The following GRM4 variants were observed in gnomAD, a reference collection of about 807,000 sequenced individuals.
GRM4 encodes metabotropic glutamate receptor 4.
GRM4 carries 28 observed loss-of-function variants against 81.7 expected under a neutral mutation model. The observed-to-expected ratio is 0.34, with a 90% CI of 0.25 to 0.47. GRM4 has a LOEUF of 0.47. Ranked by LOEUF, GRM4 falls within the 20% of genes least tolerant of loss-of-function variation. The pLI is 1.00. For missense variants in GRM4, 948 were observed against 1,290.0 expected (o/e 0.73, Z 4.06); for synonymous variants, 488 against 528.8 (o/e 0.92, Z 1.06).
At chr6:34,038,969 C>T (rs35411382) in intron 8 of GRM4, among the ~76,000 whole-genome samples, 54,261 of 152,174 alleles carry the variant, frequency 0.36, 13,419 homozygotes, top group African/African-American at 0.7. Flanking sequence ...ACAGCAGGTA[C>T]TCAGTAAGTG....
rs914750895 is a variant in GRM4 at position 34,130,761 on chromosome 6, C to A, written c.519+2217G>T. Among the ~76,000 whole-genome samples, 1 of 152,262 alleles carries A rather than the reference C, an allele frequency of 6.6e-6. No homozygotes were observed. The highest frequency in any genetic ancestry group is 2.4e-5 in the African/African-American group (1 of 41,464). On this transcript the variant is annotated intron_variant, in intron 2 of 10. Coordinates refer to ENST00000538487, the MANE Select transcript of GRM4 (RefSeq NM_000841.4). This position sits in a 1 kb window ranked among gnomAD's most constrained non-coding sequence, Gnocchi z 4.1. ...CTCCCTGTAAAGTAGGCACTCACTC[C>A]GCTCTGGAAAACAGGGGAAGGGATC...
chr6:34,044,251 G>GACAT (rs771371096), intron 6 of GRM4, among the ~76,000 whole-genome samples: 1 of 123,444 alleles, frequency 8.1e-6, no homozygotes, highest in African/African-American at 3.4e-5. Flanking sequence ...CACACACAGA[G>GACAT]ACATACATAC....
intron 8 of GRM4, among the ~76,000 whole-genome samples, chr6:34,039,731 A>C (rs1451909466): frequency 2.0e-5 from 3 of 152,084 alleles, no homozygotes; most frequent in Non-Finnish European, 4.4e-5. Context: ...CACAAATCCC[A>C]CCGTTCAACC....
intron 3 of GRM4, among the ~76,000 whole-genome samples, chr6:34,076,599 G>A (rs6928460): frequency 1.3e-5 from 2 of 152,208 alleles, no homozygotes; most frequent in Non-Finnish European, 2.9e-5. Context: ...GCTGGCCTTG[G>A]TGGAGGGGGT....
At chr6:34,054,038 G>C (rs1278089395) in intron 6 of GRM4, 1 of 152,110 alleles carries the variant, frequency 6.6e-6, no homozygotes, top group African/African-American at 2.4e-5. Flanking sequence ...CTCCATTAAC[G>C]CTTCACTTCC....
In GRM4 at chr6:34,022,548, C is replaced by T. The variant is rs1451117101; in HGVS notation, c.*273G>A. The stretch of plus-strand genomic sequence containing the variant: ...GCACTGGGGCCCACACGACCTGAGC[C>T]CCTGTGGTTTGGGGCCGGGAGGGGC... On this transcript the variant is annotated 3_prime_UTR_variant, in exon 11 of 11. Transcript: ENST00000538487. This position sits in a 1 kb window ranked among gnomAD's most constrained non-coding sequence, Gnocchi z 5.6. 1.9e-6 allele frequency: 1 copy of T among 529,926 alleles called. No homozygotes were observed. The highest frequency in any genetic ancestry group is 3.4e-6 in the Non-Finnish European group (1 of 293,302). 32.8% of individuals were successfully genotyped at this position (529,926 alleles called of 1,614,324 possible). A position where few individuals can be genotyped will look rare whatever the true frequency, so the allele number is the denominator to read the frequency against.
Position 34,070,804 on chromosome 6 carries a change from A to C in GRM4, c.737-8776T>G, listed in dbSNP as rs1581649314. On this transcript the variant is annotated intron_variant, in intron 3 of 10. Coordinates refer to ENST00000538487, the MANE Select transcript of GRM4 (RefSeq NM_000841.4). This position sits in a 1 kb window ranked among gnomAD's most constrained non-coding sequence, Gnocchi z 4.6. Reference sequence around the variant, plus strand: ...GCCACACCCCCAGCCACACACACACACACACACACACACACGGCAATGCAC... The same window carrying C: ...GCCACACCCCCAGCCACACACACACCCACACACACACACACGGCAATGCAC... Among the ~76,000 whole-genome samples the C allele has an allele frequency of 8.0e-6, 1 of 125,494 alleles. No homozygotes were observed. Among genetic ancestry groups the C allele is most frequent in the African/African-American group, 4.3e-5 (1 of 23,220 alleles). The allele number at this position is 125,494 out of a possible 152,430, so 82.3% of individuals were successfully genotyped here. A position where few individuals can be genotyped will look rare whatever the true frequency, so the allele number is the denominator to read the frequency against.
chr6:34,053,944 C>A (rs935530093), intron 6 of GRM4, among the ~76,000 whole-genome samples: 1 of 152,176 alleles, frequency 6.6e-6, no homozygotes, highest in Non-Finnish European at 1.5e-5. Context: ...CTGGGGGTGG[C>A]GCCCTGGTAT....
At chr6:34,033,020 G>A (rs897443292) in intron 9 of GRM4, among the ~76,000 whole-genome samples, 6 of 152,164 alleles carry the variant, frequency 3.9e-5, no homozygotes, top group African/African-American at 1.4e-4. Context: ...GGTATGGGAT[G>A]GCCTCCCTGC....
intron 6 of GRM4, among the ~76,000 whole-genome samples, chr6:34,046,307 C>T (rs557908822): frequency 6.6e-6 from 1 of 152,290 alleles, no homozygotes; most frequent in African/African-American, 2.4e-5. Flanking sequence ...CACAGATGTA[C>T]ATATAAATGC....
chr6:34,033,729 CTTTA>C lies in GRM4; in HGVS notation c.2442+1935_2442+1938del, dbSNP rs1390203657. 7.6e-5 allele frequency among the ~76,000 whole-genome samples: 11 copies of C among 144,756 alleles called. 1 individual carries two copies. Among genetic ancestry groups the C allele is most frequent in the South Asian group, 6.4e-4 (3 of 4,654 alleles). 95.0% of individuals were successfully genotyped at this position (144,756 alleles called of 152,430 possible). On this transcript the variant is annotated intron_variant, in intron 9 of 10. Transcript: ENST00000538487. The stretch of plus-strand genomic sequence containing the variant: ...TTTCTTTCTCTCTCCCTCTCTCTCT[CTTTA>C]TTTCTTTTCTTTTCTTTTTCATGAG...
In GRM4 at chr6:34,035,790, T is replaced by G; in HGVS notation, c.2320A>C (p.Thr774Pro). 5.0e-6 allele frequency: 8 copies of G among 1,613,628 alleles called. No homozygotes were observed. The highest frequency in any genetic ancestry group is 6.8e-6 in the Non-Finnish European group (8 of 1,179,634). Reference protein sequence around the residue: ...MVTCTVYAIKTRGVPETFNEA... With the variant: ...MVTCTVYAIKPRGVPETFNEA... Reference sequence around the variant, plus strand: ...TTGAAGGTCTCGGGCACGCCGCGTGTCTTGATGGCATACACGGTGCACGTG... The same window carrying G: ...TTGAAGGTCTCGGGCACGCCGCGTGGCTTGATGGCATACACGGTGCACGTG... Residue 774 changes from threonine to proline, a missense_variant, in exon 9 of 11, where the codon ACA (threonine) becomes CCA (proline). Thr to Pro is a conservative substitution (Grantham distance 38, BLOSUM62 -1). Transcript: ENST00000538487. This position sits in a 1 kb window ranked among gnomAD's most constrained non-coding sequence, Gnocchi z 6.6.
intron 2 of GRM4, among the ~76,000 whole-genome samples, chr6:34,122,782 A>G (rs1289808278): frequency 6.7e-6 from 1 of 149,734 alleles, no homozygotes; most frequent in East Asian, 1.9e-4. Context: ...CACTGGAAGT[A>G]GGGGGGGAAG....
intron 9 of GRM4, among the ~76,000 whole-genome samples, chr6:34,029,020 C>G (rs1448227921): frequency 1.3e-5 from 2 of 152,344 alleles, no homozygotes; most frequent in African/African-American, 4.8e-5. Context: ...AAAATGAAAG[C>G]CCATTAATCT....
In GRM4 at chr6:34,042,161, G is replaced by A. The variant is rs1411534753; in HGVS notation, c.1169-1413C>T. Among the ~76,000 whole-genome samples, 1 of 152,222 alleles carries A rather than the reference G, an allele frequency of 6.6e-6. No homozygotes were observed. The highest frequency in any genetic ancestry group is 2.4e-5 in the African/African-American group (1 of 41,470). ...GGTAGCTGTAATCCCTGCTACTCAG[G>A]AGGCTGAGGCACAAGGATCACATGA... On this transcript the variant is annotated intron_variant, in intron 6 of 10. Coordinates refer to ENST00000538487, the MANE Select transcript of GRM4 (RefSeq NM_000841.4). This position sits in a 1 kb window ranked among gnomAD's most constrained non-coding sequence, Gnocchi z 4.2.
At chr6:34,037,302 A>G (rs962677107) in intron 8 of GRM4, among the ~76,000 whole-genome samples, 7 of 152,248 alleles carry the variant, frequency 4.6e-5, no homozygotes, top group African/African-American at 1.7e-4. Flanking sequence ...ACTGTGAGCA[A>G]TAGAGCCACA....
chr6:34,117,299 C>T (rs895886361), intron 2 of GRM4, among the ~76,000 whole-genome samples: 7 of 152,152 alleles, frequency 4.6e-5, no homozygotes. Flanking sequence ...CTGAAAATGG[C>T]AGGGCCGGAG....
At position 34,111,172 on chromosome 6, in the gene GRM4, C is replaced by A; in HGVS notation, c.520-19073G>T. ...ACACACACGCCAGGATCCAACCCTT[C>A]CAGGAGCTGGTGGAGGCATGCTGTC... On this transcript the variant is annotated intron_variant, in intron 2 of 10. Coordinates refer to ENST00000538487, the MANE Select transcript of GRM4 (RefSeq NM_000841.4). This position sits in a 1 kb window ranked among gnomAD's most constrained non-coding sequence, Gnocchi z 5.1. 1 of 151,222 alleles carries A rather than the reference C, an allele frequency of 6.6e-6. No individual in the cohort carries two copies. The highest frequency in any genetic ancestry group is 1.4e-5 in the Non-Finnish European group (1 of 72,484). 9.4% of individuals were successfully genotyped at this position (151,222 alleles called of 1,614,324 possible).
chr6:34,039,295 C>T (rs960763241), intron 8 of GRM4, among the ~76,000 whole-genome samples: 5 of 152,144 alleles, frequency 3.3e-5, no homozygotes, highest in Non-Finnish European at 7.4e-5. Flanking sequence ...GAGCAGAGCA[C>T]GAGGGGTTCC....
Sources: allele counts gnomAD v4.1 joint callset (sites outside exome capture counted in the v4.1 genomes callset), GRCh38; gene constraint gnomAD v4.1.1; non-coding constraint Gnocchi (gnomAD v3.1); transcripts MANE v1.5; gene names NCBI Gene and HGNC (gene_info 2026-07-23, HGNC 2026-07-21).